HCFC2: variants seen among roughly 807,000 people sequenced by gnomAD.
HCFC2 encodes the protein host cell factor C2, also known as host cell factor 2.
A neutral mutation model predicts 89.2 loss-of-function variants in HCFC2; 18 were observed. The observed-to-expected ratio is 0.20, with a 90% CI of 0.14 to 0.30. The LOEUF (loss-of-function observed/expected upper bound fraction) is 0.30. Ranked by LOEUF, HCFC2 falls within the 10% of genes least tolerant of loss-of-function variation. The pLI, the probability that HCFC2 is intolerant of heterozygous loss-of-function variation, is 1.00. For missense variants in HCFC2, 578 were observed against 956.1 expected (o/e 0.60, Z 5.21); for synonymous variants, 308 against 335.7 (o/e 0.92, Z 0.90).
At chr12:104,086,170 G>A (rs571227184) in intron 7 of HCFC2, among the ~76,000 whole-genome samples, 48 of 152,020 alleles carry the variant, frequency 3.2e-4, no homozygotes, top group African/African-American at 1.0e-3. Flanking sequence ...GCTAATTTTC[G>A]TATTTTTAGT....
chr12:104,085,829 G>A (rs1883819708), intron 7 of HCFC2, among the ~76,000 whole-genome samples: 1 of 150,578 alleles, frequency 6.6e-6, no homozygotes, highest in Non-Finnish European at 1.5e-5. Flanking sequence ...CATTTTACTT[G>A]CTTTACAAGC....
chr12:104,093,519 C>T lies in HCFC2; in HGVS notation c.1418C>T (p.Ser473Phe). 6.2e-7 allele frequency: 1 copy of T among 1,613,016 alleles called. No individual in the cohort carries two copies. The highest frequency in any genetic ancestry group is 1.3e-5 in the African/African-American group (1 of 74,992). ...ILYPSLASNA[S>F]NHNSHVVDML... ...TATCCATCTTTGGCATCAAATGCTT[C>T]TAATCATAATAGTCATGTGGTGGAT... Residue 473 changes from serine (S) to phenylalanine (F), a missense_variant, in exon 10 of 15, where the codon TCT (serine) becomes TTT (phenylalanine). Around this residue, in one of 4 missense-constraint regions of HCFC2, gnomAD observed 210 missense variants for 251.7 expected, o/e 0.83. Coordinates refer to ENST00000229330, the MANE Select transcript of HCFC2 (RefSeq NM_013320.3).
chr12:104,078,466 CAA>C (rs1258035996), intron 3 of HCFC2, among the ~76,000 whole-genome samples: 1 of 152,138 alleles, frequency 6.6e-6, no homozygotes, highest in Non-Finnish European at 1.5e-5. Flanking sequence ...TAGATTTCTA[CAA>C]AAGTCATTTT....
chr12:104,077,015 T>G (rs1004038419), intron 3 of HCFC2, among the ~76,000 whole-genome samples: 6 of 152,188 alleles, frequency 3.9e-5, no homozygotes, highest in African/African-American at 1.4e-4. Flanking sequence ...TCTGTGTCTG[T>G]GTGTATATAT....
At position 104,088,015 on chromosome 12, in the gene HCFC2, A is replaced by T. The variant is rs373952165; in HGVS notation, c.1261A>T (p.Ser421Cys). Reference protein sequence around the residue: ...GVRMDPHRQGSNNIVPNSIND... With the variant: ...GVRMDPHRQGCNNIVPNSIND... ...CAGGATGGACCCTCACAGACAAGGC[A>T]GTAATAACATCGTTCCTAACAGTGT... The change falls in exon 9 of 15, where the codon AGT becomes TGT. Residue 421 changes from serine to cysteine, a missense_variant. Coordinates refer to ENST00000229330, the MANE Select transcript of HCFC2 (RefSeq NM_013320.3). The T allele has an allele frequency of 5.2e-5, 84 of 1,608,536 alleles. No individual in the cohort carries two copies. Among genetic ancestry groups the T allele is most frequent in the Non-Finnish European group, 7.1e-5 (83 of 1,176,818 alleles).
chr12:104,083,608 TGTG>T (rs1261196736), intron 7 of HCFC2, among the ~76,000 whole-genome samples: 7 of 152,160 alleles, frequency 4.6e-5, no homozygotes, highest in Admixed American at 3.3e-4. Flanking sequence ...TTTTAACAAA[TGTG>T]GTAATATTAG....
chr12:104,073,723 C>T (rs34071758), intron 3 of HCFC2, among the ~76,000 whole-genome samples: 22,359 of 152,112 alleles, frequency 0.15, 1,717 homozygotes, highest in Middle Eastern at 0.21. Context: ...TTCCCAACAC[C>T]ATTTATTAAA....
At chr12:104,072,832 G>T (rs1443982932) in intron 3 of HCFC2, among the ~76,000 whole-genome samples, 2 of 151,886 alleles carry the variant, frequency 1.3e-5, no homozygotes, top group Non-Finnish European at 2.9e-5. Context: ...TTTTAGTAGA[G>T]ACTGGGTTTC....
At chr12:104,069,962 T>C (rs1039137241) in intron 3 of HCFC2, among the ~76,000 whole-genome samples, 1 of 152,152 alleles carries the variant, frequency 6.6e-6, no homozygotes, top group Non-Finnish European at 1.5e-5. Flanking sequence ...TGGTTTTCTG[T>C]TTCTGTGTTA....
intron 9 of HCFC2, among the ~76,000 whole-genome samples, chr12:104,092,326 C>T (rs955560507): frequency 2.6e-5 from 4 of 151,900 alleles, no homozygotes; most frequent in African/African-American, 7.3e-5. Context: ...ATTAGCTGGG[C>T]ATGCTGGTGT....
rs1883710575 is a variant in HCFC2, at chr12:104,082,409, A to C, written c.768-91A>C. On this transcript the variant is annotated intron_variant, in intron 5 of 14. Coordinates refer to ENST00000229330, the MANE Select transcript of HCFC2 (RefSeq NM_013320.3). ...TGAATAGTTCTGAAGCTCTGAGTCA[A>C]CTGATAGGAAATTTTTCTATTCTTA... 3 of 772,518 alleles carry C rather than the reference A, an allele frequency of 3.9e-6. No homozygotes were observed. The South Asian group carries it at 4.7e-5, about 12-fold the overall frequency. 47.9% of individuals were successfully genotyped at this position (772,518 alleles called of 1,614,324 possible). A position where few individuals can be genotyped will look rare whatever the true frequency, so the allele number is the denominator to read the frequency against.
At chr12:104,071,930 A>G (rs889025086) in intron 3 of HCFC2, among the ~76,000 whole-genome samples, 3 of 152,192 alleles carry the variant, frequency 2.0e-5, no homozygotes, top group Non-Finnish European at 2.9e-5. Flanking sequence ...ACATCTTTTC[A>G]TGGGCTTTTT....
chr12:104,104,244 T>G lies in HCFC2; in HGVS notation c.*971T>G, dbSNP rs1593615876. 1 of 152,098 alleles carries G rather than the reference T, an allele frequency of 6.6e-6. No homozygotes were observed. Among genetic ancestry groups the G allele is most frequent in the East Asian group, 1.9e-4 (1 of 5,204 alleles). 9.4% of individuals were successfully genotyped at this position (152,098 alleles called of 1,614,324 possible). A position where few individuals can be genotyped will look rare whatever the true frequency, so the allele number is the denominator to read the frequency against. On this transcript the variant is annotated 3_prime_UTR_variant, in exon 15 of 15. Coordinates refer to ENST00000229330, the MANE Select transcript of HCFC2 (RefSeq NM_013320.3). Reference sequence around the variant, plus strand: ...TAGTGTTTTAAACATTTGTAAGATTTTTGTAAATGCTCTAAATGTTTTATT... The same window carrying G: ...TAGTGTTTTAAACATTTGTAAGATTGTTGTAAATGCTCTAAATGTTTTATT...
At chr12:104,101,764 A>G (rs1440441280) in intron 13 of HCFC2, among the ~76,000 whole-genome samples, 2 of 152,170 alleles carry the variant, frequency 1.3e-5, no homozygotes, top group South Asian at 2.1e-4. Flanking sequence ...ACCTCTGGAT[A>G]AGGAGCACAG....
rs1406930772 is a variant in HCFC2, at chr12:104,103,328, A to G, written c.*55A>G. ...GATGATTATTTATTAGTAACTGGTTATGAAGATTTGTCATTTAAAAGAGTA... is the reference window on the plus strand; with the variant it reads ...GATGATTATTTATTAGTAACTGGTTGTGAAGATTTGTCATTTAAAAGAGTA... On this transcript the variant is annotated 3_prime_UTR_variant, in exon 15 of 15. Transcript: ENST00000229330. The G allele has an allele frequency of 1.4e-6, 2 of 1,393,196 alleles. No homozygotes were observed. The highest frequency in any genetic ancestry group is 2.3e-5 in the East Asian group (1 of 43,038). 86.3% of individuals were successfully genotyped at this position (1,393,196 alleles called of 1,614,324 possible).
At chr12:104,101,934 C>A in intron 13 of HCFC2, 34 bp from the exon 14 acceptor site, 1 of 1,402,634 alleles carries the variant, frequency 7.1e-7, no homozygotes, top group Non-Finnish European at 9.6e-7. Context: ...TTAGTTGTAC[C>A]TTTTCTTTGA....
In HCFC2 at chr12:104,096,370, A is replaced by T; in HGVS notation, c.1677A>T (p.Thr559=). Residue 559 remains threonine, a synonymous_variant, in exon 12 of 15, where the codon ACA becomes ACT. Transcript: ENST00000229330. ...TTGTTTAATTTTTAGTTGATGAAAC[A>T]TATGCACTGCCTGCAACGAAGATCA... ...TFSTKSEVDE[T]YALPATKISR... 6.2e-7 allele frequency: 1 copy of T among 1,602,570 alleles called. No individual in the cohort carries two copies. Among genetic ancestry groups the T allele is most frequent in the Non-Finnish European group, 8.5e-7 (1 of 1,172,272 alleles).
At chr12:104,101,282 G>C (rs1178513537) in intron 13 of HCFC2, among the ~76,000 whole-genome samples, 1 of 152,132 alleles carries the variant, frequency 6.6e-6, no homozygotes, top group Non-Finnish European at 1.5e-5. Flanking sequence ...TCAGGAGTTC[G>C]AGACCAGCCT....
chr12:104,084,194 C>G (rs1260369553), intron 7 of HCFC2, among the ~76,000 whole-genome samples: 2 of 152,180 alleles, frequency 1.3e-5, no homozygotes, highest in Admixed American at 6.5e-5. Context: ...AAAGAACTTA[C>G]ATTCTGAGGG....
Sources: gnomAD v4.1 joint callset for allele counts (sites outside exome capture counted in the v4.1 genomes callset) on GRCh38, gnomAD v4.1.1 for gene constraint, gnomAD v4.1.1 regional missense constraint, MANE v1.5 for transcripts, NCBI Gene and HGNC (gene_info 2026-07-23, HGNC 2026-07-21) for gene names.